The following TICRR variants were observed in gnomAD, a reference collection of about 807,000 sequenced individuals.
The protein encoded by TICRR is treslin.
A neutral mutation model predicts 178.1 loss-of-function variants in TICRR; 132 were observed. The ratio of observed to expected loss-of-function variants is 0.74; its 90% CI spans 0.64 to 0.86. The LOEUF is 0.86. Ranked by LOEUF, TICRR falls within the 40% of genes least tolerant of loss-of-function variation. The pLI, the probability that TICRR is intolerant of heterozygous loss-of-function variation, is 0.00. For synonymous variants in TICRR, 991 were observed against 900.7 expected (o/e 1.10, Z -1.79); for missense variants, 2,587 against 2,334.3 (o/e 1.11, Z -2.23).
chr15:89,575,745 G>C lies in TICRR; in HGVS notation c.159G>C (p.Gln53His), dbSNP rs1407850378. Residue 53 changes from glutamine to histidine, a missense_variant, in exon 1 of 22, where the codon CAG becomes CAC. Transcript: ENST00000268138. ...VHWAFKFFDS[Q>H]GARSRPSRVS... is the part of the protein sequence containing the mutation. ...GGGCCTTCAAGTTCTTTGACTCGCA[G>C]GGGGCGCGGAGCCGGCCGTCCCGCG... The C allele has an allele frequency of 3.1e-6, 5 of 1,609,892 alleles. No homozygotes were observed. The highest frequency in any genetic ancestry group is 4.2e-6 in the Non-Finnish European group (5 of 1,179,010).
chr15:89,621,258 C>G, intron 18 of TICRR, 135 bp from the exon 19 acceptor site: 1 of 762,584 alleles, frequency 1.3e-6, no homozygotes, highest in East Asian at 2.9e-5. Context: ...TGACCTCAGA[C>G]CATCCACCTG....
chr15:89,583,324 G>A (rs1270144454), intron 2 of TICRR, among the ~76,000 whole-genome samples: 1 of 152,108 alleles, frequency 6.6e-6, no homozygotes, highest in Admixed American at 6.6e-5. Context: ...AACAATGGTC[G>A]ACTAAAAGAA....
Position 89,602,817 on chromosome 15 carries a change from TA to T in TICRR, c.2593del (p.Ser865AlafsTer38). The T allele has an allele frequency of 6.6e-7, 1 of 1,512,586 alleles. No individual in the cohort carries two copies. The highest frequency in any genetic ancestry group is 1.4e-5 in the South Asian group (1 of 72,686). 93.7% of individuals were successfully genotyped at this position (1,512,586 alleles called of 1,614,324 possible). On this transcript the variant is annotated frameshift_variant, in exon 13 of 22. Transcript: ENST00000268138. LOFTEE classifies it high-confidence loss of function. Reference sequence around the variant, plus strand: ...AAAGGAAAAATGCATTAATAAGACATAAAAGCATTGCTGAGGTTTCACAGAA... The same window carrying T: ...AAAGGAAAAATGCATTAATAAGACATAAAGCATTGCTGAGGTTTCACAGAA... ...KRRKNALIRH[K>X]SIAEVSQNLR...
At chr15:89,604,768 C>CGAA (rs1555421227) in intron 13 of TICRR, among the ~76,000 whole-genome samples, 1 of 106,604 alleles carries the variant, frequency 9.4e-6, no homozygotes, top group Non-Finnish European at 1.8e-5. Flanking sequence ...GAGACTCTGT[C>CGAA]AAAAAAAAAA....
intron 3 of TICRR, among the ~76,000 whole-genome samples, chr15:89,585,112 G>A (rs1390445207): frequency 6.6e-6 from 1 of 152,098 alleles, no homozygotes; most frequent in Non-Finnish European, 1.5e-5. Context: ...TCTCAGGAGG[G>A]GTCTCTATTC....
intron 1 of TICRR, 82 bp downstream of exon 1, chr15:89,576,322 C>A: frequency 7.7e-7 from 1 of 1,293,834 alleles, no homozygotes; most frequent in Non-Finnish European, 1.0e-6. Flanking sequence ...CTTAGAACAG[C>A]CACAGACCCC....
chr15:89,600,683 A>G lies in TICRR; in HGVS notation c.2151A>G (p.Arg717=). ...AACTGGATAAGGAAGACAAAGTTAGAGAGTAAGTAACTACCATTTTTTAAA... is the reference window on the plus strand; with the variant it reads ...AACTGGATAAGGAAGACAAAGTTAGGGAGTAAGTAACTACCATTTTTTAAA... The part of the protein sequence containing the change: ...GKKLDKEDKV[R]ECQLQVFLRL... The change falls in exon 9 of 22, where the codon AGA becomes AGG. Residue 717 remains arginine, a splice_region_variant and synonymous_variant. Coordinates refer to ENST00000268138, the MANE Select transcript of TICRR (RefSeq NM_152259.4). 1 of 1,469,432 alleles carries G rather than the reference A, an allele frequency of 6.8e-7. No homozygotes were observed. The highest frequency in any genetic ancestry group is 9.4e-7 in the Non-Finnish European group (1 of 1,064,628). The allele number at this position is 1,469,432 out of a possible 1,614,324, so 91.0% of individuals were successfully genotyped here.
intron 15 of TICRR, among the ~76,000 whole-genome samples, chr15:89,612,370 C>CT (rs1249956654): frequency 6.6e-6 from 1 of 152,144 alleles, no homozygotes; most frequent in Non-Finnish European, 1.5e-5. Context: ...CCTAAGAGAG[C>CT]TGAAACCAAG....
At chr15:89,616,532 C>A in intron 16 of TICRR, 37 bp downstream of exon 16, 1 of 1,559,782 alleles carries the variant, frequency 6.4e-7, no homozygotes, top group South Asian at 1.1e-5. Flanking sequence ...TTCATACACC[C>A]ACACCACCTC....
intron 15 of TICRR, among the ~76,000 whole-genome samples, chr15:89,614,015 G>A (rs1002255487): frequency 4.6e-5 from 7 of 151,980 alleles, no homozygotes; most frequent in Admixed American, 6.6e-5. Context: ...TTAGCCGGGC[G>A]TGGTGGCGGG....
intron 1 of TICRR, chr15:89,582,117 A>G (rs1962736700): frequency 6.6e-6 from 1 of 152,576 alleles, no homozygotes; most frequent in African/African-American, 2.4e-5. Flanking sequence ...TGAGGTCAGG[A>G]GTTTGAGACC....
At chr15:89,607,604 T>A (rs771702665) in intron 14 of TICRR, among the ~76,000 whole-genome samples, 1 of 152,194 alleles carries the variant, frequency 6.6e-6, no homozygotes, top group Non-Finnish European at 1.5e-5. Context: ...GGAACTCTTA[T>A]AATGGAGATA....
Position 89,598,171 on chromosome 15 carries a change from C to G in TICRR, c.1901-1153C>G, listed in dbSNP as rs367586956. 4.7e-4 allele frequency among the ~76,000 whole-genome samples: 71 copies of G among 151,910 alleles called. No homozygotes were observed. In the East Asian group the frequency reaches 0.011, roughly 24 times the overall value. On this transcript the variant is annotated intron_variant, in intron 7 of 21. Coordinates refer to ENST00000268138, the MANE Select transcript of TICRR (RefSeq NM_152259.4). ...GTTTTTTTTAGTAGAGATGGGGTTT[C>G]ACCGTGTTAGCCAGGATGGTCTCGA...
At position 89,575,720 on chromosome 15, in the gene TICRR, G is replaced by A. The variant is rs376479016; in HGVS notation, c.134G>A (p.Trp45Ter). Residue 45 changes from tryptophan (W) to a stop codon, truncating the protein, a stop_gained, in exon 1 of 22, where the codon TGG becomes TAG. Coordinates refer to ENST00000268138, the MANE Select transcript of TICRR (RefSeq NM_152259.4). LOFTEE classifies it high-confidence loss of function. The part of the protein sequence containing the change: ...SCRFGLARVH[W>*]AFKFFDSQGA... The stretch of plus-strand genomic sequence containing the variant: ...CGATTCGGCCTGGCCAGGGTCCACT[G>A]GGCCTTCAAGTTCTTTGACTCGCAG... The A allele has an allele frequency of 1.2e-6, 2 of 1,609,700 alleles. No individual in the cohort carries two copies. The highest frequency in any genetic ancestry group is 8.5e-7 in the Non-Finnish European group (1 of 1,178,994).
At chr15:89,617,833 A>G (rs1963359930) in intron 16 of TICRR, among the ~76,000 whole-genome samples, 1 of 152,048 alleles carries the variant, frequency 6.6e-6, no homozygotes. Flanking sequence ...CTGGGACTAC[A>G]GGCGCATGCC....
intron 7 of TICRR, among the ~76,000 whole-genome samples, chr15:89,598,639 C>G (rs909422062): frequency 1.3e-5 from 2 of 150,152 alleles, no homozygotes; most frequent in East Asian, 4.1e-4. Flanking sequence ...GTTAGGATTA[C>G]AGACGTGAGC....
chr15:89,623,523 C>T, intron 19 of TICRR, 100 bp from the exon 20 acceptor site: 14 of 1,211,344 alleles, frequency 1.2e-5, no homozygotes, highest in Non-Finnish European at 1.6e-5. Flanking sequence ...ATTCCTTTGG[C>T]TGACTATAAA....
Position 89,604,170 on chromosome 15 carries a change from G to C in TICRR, c.2664+1278G>C, listed in dbSNP as rs577954923. Among the ~76,000 whole-genome samples the C allele has an allele frequency of 2.0e-5, 3 of 152,280 alleles. No individual in the cohort carries two copies. The East Asian group carries it at 5.8e-4, about 29-fold the overall frequency. ...TCTGAGAAGAGTTAAAATTCAATAA[G>C]AACTATCTTTAGAAGCATTAATTAT... On this transcript the variant is annotated intron_variant, in intron 13 of 21. Coordinates refer to ENST00000268138, the MANE Select transcript of TICRR (RefSeq NM_152259.4).
At chr15:89,612,880 T>C (rs1331542141) in intron 15 of TICRR, among the ~76,000 whole-genome samples, 1 of 152,240 alleles carries the variant, frequency 6.6e-6, no homozygotes, top group Non-Finnish European at 1.5e-5. Context: ...CTTAGTTCTA[T>C]ATTGTCATGC....
Sources: gnomAD v4.1 joint callset for allele counts (sites outside exome capture counted in the v4.1 genomes callset) on GRCh38, gnomAD v4.1.1 for gene constraint, MANE v1.5 for transcripts, NCBI Gene and HGNC (gene_info 2026-07-23, HGNC 2026-07-21) for gene names.